HGD: variants seen among roughly 807,000 people sequenced by gnomAD.
HGD encodes homogentisate oxidase.
A neutral mutation model predicts 60.8 loss-of-function variants in HGD; 61 were observed. The observed-to-expected ratio is 1.00, with a 90% CI of 0.82 to 1.24. The LOEUF (loss-of-function observed/expected upper bound fraction) is 1.24, where lower values mean the gene tolerates loss of function less well. HGD is among the 50% of genes most tolerant of loss of function. The pLI, the probability that HGD is intolerant of heterozygous loss-of-function variation, is 0.00. For synonymous variants in HGD, 212 were observed against 187.7 expected, an observed-to-expected ratio of 1.13 and a Z score of -1.06; for missense variants, 542 against 547.1, an observed-to-expected ratio of 0.99 and a Z score of 0.09.
chr3:120,667,358 G>T (rs1274268640), intron 4 of HGD, among the ~76,000 whole-genome samples: 1 of 132,470 alleles, frequency 7.5e-6, no homozygotes, highest in Non-Finnish European at 1.6e-5. Context: ...AAAAGACAAA[G>T]CTAGAAAAAT....
At chr3:120,646,508 A>G in intron 8 of HGD, 142 bp from the exon 9 acceptor site, 1 of 665,156 alleles carries the variant, frequency 1.5e-6, no homozygotes, top group Non-Finnish European at 2.7e-6. Context: ...CAGAGCAAAC[A>G]TGAAAAACTG....
rs2551588 is a variant in HGD at position 120,659,408 on chromosome 3, G to A, written c.283-6757C>T. 1.2e-3 allele frequency among the ~76,000 whole-genome samples: 184 copies of A among 152,282 alleles called. No individual in the cohort carries two copies. The East Asian group carries it at 0.03, about 25-fold the overall frequency. ...TTAAATCATCATTCTCAAGTTCAGA[G>A]TTCCACAGATCCCTAGGGCAGGAGC... is the stretch of plus-strand genomic sequence containing the variant. On this transcript the variant is annotated intron_variant, in intron 4 of 13. Transcript: ENST00000283871.
intron 9 of HGD, among the ~76,000 whole-genome samples, chr3:120,645,293 T>C (rs1424430136): frequency 6.6e-6 from 1 of 152,192 alleles, no homozygotes; most frequent in East Asian, 1.9e-4. Flanking sequence ...CGGCTCCAGC[T>C]GCCTCTTGCT....
intron 6 of HGD, among the ~76,000 whole-genome samples, chr3:120,649,348 T>A (rs1307630038): frequency 6.6e-6 from 1 of 151,894 alleles, no homozygotes; most frequent in Non-Finnish European, 1.5e-5. Flanking sequence ...TTTCACTATG[T>A]TGGCTAGGCT....
rs1940849843 is a variant in HGD, at chr3:120,638,389, G to A, written c.1006+66C>T. On this transcript the variant is annotated intron_variant, in intron 12 of 13. Coordinates refer to ENST00000283871, the MANE Select transcript of HGD (RefSeq NM_000187.4). ...AAATAACCCAGGCATTATTCCCAATGTGTAGCGCTCACTGCTTTGTTGTCT... is the reference window on the plus strand; with the variant it reads ...AAATAACCCAGGCATTATTCCCAATATGTAGCGCTCACTGCTTTGTTGTCT... The A allele has an allele frequency of 6.3e-6, 10 of 1,591,584 alleles. No homozygotes were observed. The South Asian group carries it at 8.8e-5, about 14-fold the overall frequency.
intron 13 of HGD, among the ~76,000 whole-genome samples, chr3:120,629,097 G>A (rs391097): frequency 6.6e-6 from 1 of 152,188 alleles, no homozygotes; most frequent in African/African-American, 2.4e-5. Flanking sequence ...TGAAGGAAAT[G>A]GCAGGAATGG....
At position 120,674,978 on chromosome 3, in the gene HGD, C is replaced by G. The variant is rs1013178267; in HGVS notation, c.99G>C (p.Gln33His). 15 of 1,609,922 alleles carry G rather than the reference C, an allele frequency of 9.3e-6. No homozygotes were observed. The highest frequency in any genetic ancestry group is 1.3e-5 in the Non-Finnish European group (15 of 1,176,696). ...GSLPEGQNNP[Q>H]VCPYNLYAEQ... ...CAGCATAGAGATTGTAGGGGCAGAC[C>G]TGAGGATTATTCTGAAACAAAGGAT... The change falls in exon 3 of 14, where the codon CAG becomes CAC. Residue 33 changes from glutamine (Q) to histidine (H), a missense_variant. Transcript: ENST00000283871.
intron 3 of HGD, chr3:120,674,528 C>A: frequency 4.1e-6 from 1 of 245,572 alleles, no homozygotes; most frequent in Non-Finnish European, 8.3e-6. Flanking sequence ...CTGAATCTTC[C>A]ATAATTGTGA....
chr3:120,673,911 G>A (rs1708074398), intron 3 of HGD, among the ~76,000 whole-genome samples: 1 of 152,178 alleles, frequency 6.6e-6, no homozygotes, highest in Non-Finnish European at 1.5e-5. Flanking sequence ...AAGAACTAGA[G>A]GATCCAAGAG....
At chr3:120,652,744 G>T (rs1394131204) in intron 4 of HGD, 93 bp from the exon 5 acceptor site, 2 of 822,836 alleles carry the variant, frequency 2.4e-6, no homozygotes, top group Admixed American at 2.0e-5. Flanking sequence ...GAAAAGAAAG[G>T]ACAGCTACCC....
intron 3 of HGD, among the ~76,000 whole-genome samples, chr3:120,672,416 C>A (rs1455185042): frequency 1.3e-5 from 2 of 152,126 alleles, no homozygotes; most frequent in African/African-American, 4.8e-5. Context: ...GGGTACTGCC[C>A]TGACAAAATA....
chr3:120,638,694 T>A lies in HGD; in HGVS notation c.880-113A>T. On this transcript the variant is annotated intron_variant, in intron 11 of 13. Coordinates refer to ENST00000283871, the MANE Select transcript of HGD (RefSeq NM_000187.4). ...TGCAAGTGACATTCTAATTTTTTTA[T>A]TTATTTTTATTCAACTTTTAATTTA... The A allele has an allele frequency of 4.1e-6, 5 of 1,232,076 alleles. No homozygotes were observed. The South Asian group carries it at 6.4e-5, about 16-fold the overall frequency. 76.3% of individuals were successfully genotyped at this position (1,232,076 alleles called of 1,614,324 possible). A position where few individuals can be genotyped will look rare whatever the true frequency, so the allele number is the denominator to read the frequency against.
At chr3:120,642,666 T>C (rs1941025427) in intron 10 of HGD, among the ~76,000 whole-genome samples, 1 of 152,206 alleles carries the variant, frequency 6.6e-6, no homozygotes. Context: ...CTTTTGCAAG[T>C]CACTATGAAT....
intron 1 of HGD, among the ~76,000 whole-genome samples, chr3:120,676,366 C>T (rs1708130966): frequency 6.6e-6 from 1 of 152,186 alleles, no homozygotes; most frequent in Non-Finnish European, 1.5e-5. Flanking sequence ...CTTCAGGAGA[C>T]ACGCCAGCCC....
intron 12 of HGD, among the ~76,000 whole-genome samples, chr3:120,637,885 C>T (rs1025427264): frequency 1.3e-5 from 2 of 152,168 alleles, no homozygotes; most frequent in East Asian, 3.9e-4. Context: ...TGTATGTTCC[C>T]TCCAACTCTC....
chr3:120,630,798 T>TTATATATATATATA (rs61375071), intron 13 of HGD, among the ~76,000 whole-genome samples: 1,258 of 87,786 alleles, frequency 0.014, 30 homozygotes, highest in African/African-American at 0.032. Context: ...CTTAAGAGCT[T>TTATATATATATATA]TATATATATA....
intron 3 of HGD, among the ~76,000 whole-genome samples, chr3:120,673,697 A>G (rs1221422024): frequency 6.6e-6 from 1 of 152,126 alleles, no homozygotes; most frequent in Non-Finnish European, 1.5e-5. Flanking sequence ...CCTCCTAGAG[A>G]TACCCTGGAA....
At chr3:120,663,144 A>G (rs1003028686) in intron 4 of HGD, among the ~76,000 whole-genome samples, 1 of 152,182 alleles carries the variant, frequency 6.6e-6, no homozygotes, top group African/African-American at 2.4e-5. Flanking sequence ...CTCTAGCAGA[A>G]CAATACAGAG....
intron 4 of HGD, among the ~76,000 whole-genome samples, chr3:120,670,083 A>G (rs3819371): frequency 0.41 from 61,958 of 151,896 alleles, 13,161 homozygotes; most frequent in African/African-American, 0.51. Context: ...TCCCCCTTTC[A>G]CTTAACACTT....
Sources: allele counts gnomAD v4.1 joint callset (sites outside exome capture counted in the v4.1 genomes callset), GRCh38; gene constraint gnomAD v4.1.1; transcripts MANE v1.5; gene names NCBI Gene and HGNC (gene_info 2026-07-23, HGNC 2026-07-21).